Variants in SSBP2 observed in about 807,000 individuals in gnomAD.
SSBP2 encodes the protein single stranded DNA binding protein 2, also known as single-stranded DNA-binding protein 2.
Under a neutral mutation model 61.8 loss-of-function variants are expected in SSBP2, and 17 were observed. The ratio of observed to expected loss-of-function variants is 0.28; its 90% confidence interval spans 0.19 to 0.41. SSBP2 has a LOEUF of 0.41. Ranked by LOEUF, SSBP2 falls within the 10% of genes least tolerant of loss-of-function variation. SSBP2 has a pLI of 1.00. For missense variants in SSBP2, 310 were observed against 458.7 expected (o/e 0.68, Z 2.96); for synonymous variants, 139 against 141.3 (o/e 0.98, Z 0.12).
At chr5:81,539,612 C>A (rs900732006) in intron 4 of SSBP2, among the ~76,000 whole-genome samples, 4 of 152,066 alleles carry the variant, frequency 2.6e-5, no homozygotes, top group Non-Finnish European at 5.9e-5. Context: ...TTTTAAGAAA[C>A]TGCCACAGCC....
chr5:81,716,589 A>G (rs370725230), intron 1 of SSBP2, among the ~76,000 whole-genome samples: 12 of 152,318 alleles, frequency 7.9e-5, no homozygotes, highest in Admixed American at 5.2e-4. Flanking sequence ...CTGAATATGC[A>G]AATTACATAA....
chr5:81,444,491 G>A (rs920509084), intron 12 of SSBP2, among the ~76,000 whole-genome samples: 1 of 151,996 alleles, frequency 6.6e-6, no homozygotes, highest in Non-Finnish European at 1.5e-5. Context: ...TGCTTTATTC[G>A]TTCCTCCTGC....
Position 81,448,763 on chromosome 5 carries a change from T to C in SSBP2, c.723+27A>G, listed in dbSNP as rs750356658. 20 of 1,604,896 alleles carry C rather than the reference T, an allele frequency of 1.2e-5. No homozygotes were observed. The South Asian group carries it at 1.4e-4, about 12-fold the overall frequency. The stretch of plus-strand genomic sequence containing the variant: ...AAATAAAATGTAACATCAATTCTTA[T>C]AAGCAAACAAACCCAAATGTACTTA... On this transcript the variant is annotated intron_variant, in intron 11 of 16. Transcript: ENST00000320672.
intron 4 of SSBP2, among the ~76,000 whole-genome samples, chr5:81,547,036 C>CAAAAAAAAAAAAA (rs61254614): frequency 3.7e-5 from 2 of 53,864 alleles, no homozygotes; most frequent in African/African-American, 2.7e-4. Context: ...AAATCTTGGC[C>CAAAAAAAAAAAAA]AAAAAAAAAA....
chr5:81,472,757 G>A (rs1276759610), intron 8 of SSBP2, among the ~76,000 whole-genome samples: 3 of 151,848 alleles, frequency 2.0e-5, no homozygotes, highest in East Asian at 1.9e-4. Flanking sequence ...CTGCCACCTC[G>A]CCTGGCTTAC....
chr5:81,680,513 C>T (rs1752307276), intron 1 of SSBP2, among the ~76,000 whole-genome samples: 1 of 151,740 alleles, frequency 6.6e-6, no homozygotes, highest in African/African-American at 2.4e-5. Flanking sequence ...ATGTTGTCTA[C>T]AAGATACCCA....
At chr5:81,694,245 C>G (rs951973620) in intron 1 of SSBP2, among the ~76,000 whole-genome samples, 4 of 152,074 alleles carry the variant, frequency 2.6e-5, no homozygotes, top group Non-Finnish European at 4.4e-5. Flanking sequence ...TGAATAAGAC[C>G]CAGCATTTGA....
intron 5 of SSBP2, among the ~76,000 whole-genome samples, chr5:81,495,811 T>C (rs986885091): frequency 2.0e-5 from 3 of 152,138 alleles, no homozygotes; most frequent in Admixed American, 6.5e-5. Context: ...TTATATCTCA[T>C]CTTGGCTTTA....
chr5:81,445,932 AGAT>A (rs1763374722), intron 12 of SSBP2, among the ~76,000 whole-genome samples: 1 of 152,136 alleles, frequency 6.6e-6, no homozygotes, highest in Non-Finnish European at 1.5e-5. Flanking sequence ...TTGAATCATG[AGAT>A]TTTATTTTTC....
intron 4 of SSBP2, among the ~76,000 whole-genome samples, chr5:81,537,091 T>C (rs1175841582): frequency 6.6e-6 from 1 of 152,094 alleles, no homozygotes; most frequent in Non-Finnish European, 1.5e-5. Context: ...ATTTAAAAAT[T>C]TCGTTAGTTG....
chr5:81,513,108 A>G lies in SSBP2; in HGVS notation c.372+520T>C, dbSNP rs183606007. On this transcript the variant is annotated intron_variant, in intron 5 of 16. Transcript: ENST00000320672. ...CTTGTTGAAATTTAAGAATACTCAC[A>G]TGTATTTGAAATCTGATCTTAAAAT... Among the ~76,000 whole-genome samples, 38 of 152,232 alleles carry G rather than the reference A, an allele frequency of 2.5e-4. 1 individual carries two copies. The East Asian group carries it at 6.6e-3, about 26-fold the overall frequency.
At chr5:81,748,647 A>G (rs1031799823) in intron 1 of SSBP2, among the ~76,000 whole-genome samples, 2 of 152,240 alleles carry the variant, frequency 1.3e-5, no homozygotes, top group African/African-American at 2.4e-5. Context: ...CCTATATTTA[A>G]GTTCATAAGG....
At chr5:81,565,112 T>C (rs919295369) in intron 4 of SSBP2, among the ~76,000 whole-genome samples, 5 of 152,202 alleles carry the variant, frequency 3.3e-5, no homozygotes, top group African/African-American at 1.2e-4. Context: ...GCTTAATAAT[T>C]CGTTATAATA....
chr5:81,730,673 T>C (rs979209377), intron 1 of SSBP2, among the ~76,000 whole-genome samples: 1 of 152,230 alleles, frequency 6.6e-6, no homozygotes, highest in Non-Finnish European at 1.5e-5. Context: ...TAATTCTGAT[T>C]TATATCTTAT....
chr5:81,535,019 G>A (rs759841504), intron 4 of SSBP2, among the ~76,000 whole-genome samples: 3 of 151,738 alleles, frequency 2.0e-5, no homozygotes, highest in Non-Finnish European at 4.4e-5. Flanking sequence ...AATTACATCT[G>A]AATTATCAGA....
intron 4 of SSBP2, among the ~76,000 whole-genome samples, chr5:81,591,982 T>C (rs939012570): frequency 1.3e-5 from 2 of 152,190 alleles, no homozygotes; most frequent in Non-Finnish European, 2.9e-5. Context: ...TGCCAGACAG[T>C]AGCTGCAGGA....
intron 4 of SSBP2, among the ~76,000 whole-genome samples, chr5:81,540,075 T>A (rs533086683): frequency 6.6e-6 from 1 of 152,166 alleles, no homozygotes; most frequent in Non-Finnish European, 1.5e-5. Context: ...CATGAACTCA[T>A]CCTTTTTTAT....
chr5:81,430,631 T>C (rs1485614940), intron 15 of SSBP2, among the ~76,000 whole-genome samples: 1 of 152,236 alleles, frequency 6.6e-6, no homozygotes, highest in East Asian at 1.9e-4. Flanking sequence ...GCATTGCTAA[T>C]GTTTAAATAC....
At chr5:81,550,411 A>T (rs962385185) in intron 4 of SSBP2, among the ~76,000 whole-genome samples, 2 of 152,236 alleles carry the variant, frequency 1.3e-5, no homozygotes, top group African/African-American at 4.8e-5. Context: ...ATGTTGAATA[A>T]ATAGCATTAT....
Sources: allele counts gnomAD v4.1 joint callset (sites outside exome capture counted in the v4.1 genomes callset), GRCh38; gene constraint gnomAD v4.1.1; transcripts MANE v1.5; gene names NCBI Gene and HGNC (gene_info 2026-07-23, HGNC 2026-07-21).